The following SLC12A4 variants were observed in gnomAD, a reference collection of about 807,000 sequenced individuals.
The protein encoded by SLC12A4 is electroneutral potassium-chloride cotransporter 1.
In SLC12A4, 84 loss-of-function variants were observed where a neutral mutation model predicts 119.2. The observed-to-expected ratio is 0.70, with a 90% CI of 0.59 to 0.85. The LOEUF (loss-of-function observed/expected upper bound fraction) is 0.85. Ranked by LOEUF, SLC12A4 falls within the 40% of genes least tolerant of loss-of-function variation. SLC12A4 has a pLI of 0.00. For synonymous variants in SLC12A4, 599 were observed against 604.6 expected, an observed-to-expected ratio of 0.99 and a Z score of 0.14; for missense variants, 1,298 against 1,476.3, an observed-to-expected ratio of 0.88 and a Z score of 1.98.
At position 67,946,332 on chromosome 16, in the gene SLC12A4, G is replaced by C. The variant is rs747319073; in HGVS notation, c.2446C>G (p.Arg816Gly). The C allele has an allele frequency of 6.2e-7, 1 of 1,609,638 alleles. No individual in the cohort carries two copies. The highest frequency in any genetic ancestry group is 2.2e-5 in the East Asian group (1 of 44,886). ...GCCAGGTGGGCAGCCGTAGTGCAGC[G>C]CACGGTGTCTGGGGAGGAGGAGCAC... Reference protein sequence around the residue: ...RAWKTFIDTVRCTTAAHLALL... With the variant: ...RAWKTFIDTVGCTTAAHLALL... Residue 816 changes from arginine (R) to glycine (G), a missense_variant, in exon 19 of 24, where the codon CGC becomes GGC. Arg to Gly is a moderately radical substitution (Grantham distance 125). Transcript: ENST00000316341.
chr16:67,960,227 T>G (rs1202651146), intron 3 of SLC12A4, among the ~76,000 whole-genome samples: 1 of 152,200 alleles, frequency 6.6e-6, no homozygotes, highest in African/African-American at 2.4e-5. Context: ...GCTCCCTGGC[T>G]TGGCCTGAAG....
chr16:67,952,566 G>A (rs1469411620), intron 6 of SLC12A4, 141 bp from the exon 7 acceptor site: 4 of 835,794 alleles, frequency 4.8e-6, no homozygotes, highest in Non-Finnish European at 5.8e-6. Flanking sequence ...TTGGGAGGCT[G>A]AGGTGGGGGA....
chr16:67,967,517 A>T (rs1447542153), intron 1 of SLC12A4, among the ~76,000 whole-genome samples: 2 of 152,182 alleles, frequency 1.3e-5, no homozygotes, highest in African/African-American at 4.8e-5. Context: ...CACTACGTAC[A>T]CAGACACATG....
chr16:67,958,306 C>G (rs2030387714), intron 3 of SLC12A4, among the ~76,000 whole-genome samples: 2 of 152,184 alleles, frequency 1.3e-5, no homozygotes. Flanking sequence ...TCCTTCCCTT[C>G]CTCTCTTCTG....
chr16:67,963,438 T>C (rs753753091), intron 2 of SLC12A4, 27 bp downstream of exon 2: 19 of 1,527,158 alleles, frequency 1.2e-5, no homozygotes, highest in Non-Finnish European at 1.6e-5. Context: ...GTGCCAAACC[T>C]GTGGCCCAAA....
chr16:67,947,957 C>T, intron 14 of SLC12A4, 104 bp downstream of exon 14: 1 of 1,482,290 alleles, frequency 6.7e-7, no homozygotes, highest in Non-Finnish European at 9.4e-7. Flanking sequence ...TATAATCTCC[C>T]TCCCCACAGT....
rs758459792 is a variant in SLC12A4, at chr16:67,945,005, A to T, written c.3167-74T>A. The T allele has an allele frequency of 1.9e-6, 3 of 1,606,434 alleles. No individual in the cohort carries two copies. The African/African-American group carries it at 4.0e-5, about 22-fold the overall frequency. ...CGGGCCACCTGGGCCATGCCCACCCAGGGGTGCCCAGGAGAGAAGCCGCTG... is the reference window on the plus strand; with the variant it reads ...CGGGCCACCTGGGCCATGCCCACCCTGGGGTGCCCAGGAGAGAAGCCGCTG... On this transcript the variant is annotated intron_variant, in intron 23 of 23. Coordinates refer to ENST00000316341, the MANE Select transcript of SLC12A4 (RefSeq NM_005072.5).
intron 15 of SLC12A4, 54 bp from the exon 16 acceptor site, chr16:67,947,489 C>A (rs2058365294): frequency 6.4e-7 from 1 of 1,569,256 alleles, no homozygotes; most frequent in Non-Finnish European, 8.7e-7. Flanking sequence ...GGGGTTCTGT[C>A]TATGTGGATG....
intron 21 of SLC12A4, 86 bp downstream of exon 21, chr16:67,945,678 A>T (rs2058335807): frequency 1.3e-6 from 2 of 1,499,372 alleles, no homozygotes; most frequent in East Asian, 4.6e-5. Context: ...GCGGTGAGTC[A>T]TTCTGATTCC....
In SLC12A4 at chr16:67,950,821, G is replaced by A. The variant is rs918606899; in HGVS notation, c.1397-110C>T. On this transcript the variant is annotated intron_variant, in intron 10 of 23. Coordinates refer to ENST00000316341, the MANE Select transcript of SLC12A4 (RefSeq NM_005072.5). This position sits in a 1 kb window ranked among gnomAD's most constrained non-coding sequence, Gnocchi z 4.3. ...CAGGACACCTACAGCTGGGAGTCTC[G>A]TGGTGTGTATGTGCATGTGTGCATG... The A allele has an allele frequency of 1.2e-5, 17 of 1,466,980 alleles. No individual in the cohort carries two copies. The highest frequency in any genetic ancestry group is 1.9e-5 in the Admixed American group (1 of 51,808). The allele number at this position is 1,466,980 out of a possible 1,614,324, so 90.9% of individuals were successfully genotyped here. A position where few individuals can be genotyped will look rare whatever the true frequency, so the allele number is the denominator to read the frequency against.
In SLC12A4 at chr16:67,968,463, G is replaced by A; in HGVS notation, c.91C>T (p.Arg31Cys). The A allele has an allele frequency of 1.3e-6, 2 of 1,579,510 alleles. No homozygotes were observed. The highest frequency in any genetic ancestry group is 2.4e-5 in the East Asian group (1 of 41,676). The part of the protein sequence containing the change: ...EGLSWVDYGE[R>C]AELDDSDGHG... ...CCGTCCGAGTCATCCAGCTCGGCGC[G>A]CTCCCCGTAGTCCACCCAACTGAGC... The change falls in exon 1 of 24, where the codon CGC (arginine) becomes TGC (cysteine). Residue 31 changes from arginine (R) to cysteine (C), a missense_variant. By Grantham distance (180) the Arg-to-Cys change is radical (BLOSUM62 -3). Coordinates refer to ENST00000316341, the MANE Select transcript of SLC12A4 (RefSeq NM_005072.5).
Position 67,951,582 on chromosome 16 carries a change from G to A in SLC12A4, c.1132+241C>T. On this transcript the variant is annotated intron_variant, in intron 8 of 23. Transcript: ENST00000316341. The surrounding 1 kb of genome is among the most constrained non-coding windows in gnomAD (Gnocchi z 5.2). Reference sequence around the variant, plus strand: ...TATGGATCCTGTGGGAACATCCCCAGGCAGTGTCAGGGGCTGGTGGCTGGG... The same window carrying A: ...TATGGATCCTGTGGGAACATCCCCAAGCAGTGTCAGGGGCTGGTGGCTGGG... The A allele has an allele frequency of 4.9e-6, 3 of 609,430 alleles. No individual in the cohort carries two copies. The allele number at this position is 609,430 out of a possible 1,614,324, so 37.8% of individuals were successfully genotyped here.
chr16:67,954,918 C>G (rs1053801437), intron 5 of SLC12A4, 145 bp from the exon 6 acceptor site: 14 of 877,250 alleles, frequency 1.6e-5, no homozygotes, highest in Non-Finnish European at 2.4e-5. Flanking sequence ...GAGACCTACC[C>G]AGGGCTGCAC....
chr16:67,951,133 G>C lies in SLC12A4; in HGVS notation c.1297+7C>G. 2 of 1,613,844 alleles carry C rather than the reference G, an allele frequency of 1.2e-6. No homozygotes were observed. The highest frequency in any genetic ancestry group is 1.7e-6 in the Non-Finnish European group (2 of 1,179,832). ...CAGGGCTGGGTGGGTAGGCAGGCAG[G>C]GCTCACCTGTTACAGAAGGGAAGAA... On this transcript the variant is annotated splice_region_variant and intron_variant, in intron 9 of 23. Coordinates refer to ENST00000316341, the MANE Select transcript of SLC12A4 (RefSeq NM_005072.5). The surrounding 1 kb of genome is among the most constrained non-coding windows in gnomAD (Gnocchi z 5.2).
In SLC12A4 at chr16:67,968,555, G is replaced by T; in HGVS notation, c.-2C>A. The T allele has an allele frequency of 6.5e-7, 1 of 1,543,164 alleles. No homozygotes were observed. Among genetic ancestry groups the T allele is most frequent in the South Asian group, 1.2e-5 (1 of 84,918 alleles). On this transcript the variant is annotated 5_prime_UTR_variant, in exon 1 of 24. Coordinates refer to ENST00000316341, the MANE Select transcript of SLC12A4 (RefSeq NM_005072.5). ...TGGCACCACGGTGAAGTGAGGCATC[G>T]TGCGGGCTCGGCCCCGCCGCACCCG...
chr16:67,956,887 T>C (rs999613373), intron 5 of SLC12A4, among the ~76,000 whole-genome samples: 4 of 151,920 alleles, frequency 2.6e-5, no homozygotes, highest in African/African-American at 9.7e-5. Flanking sequence ...TGTGCAATAC[T>C]TCATAAGACC....
chr16:67,952,904 T>C (rs1167262334), intron 6 of SLC12A4, among the ~76,000 whole-genome samples: 1 of 151,202 alleles, frequency 6.6e-6, no homozygotes, highest in East Asian at 1.9e-4. Context: ...CTGGCCAACA[T>C]GGTGAAACCT....
rs777984930 is a variant in SLC12A4, at chr16:67,945,093, C to T, written c.3160G>A (p.Glu1054Lys). The T allele has an allele frequency of 2.5e-6, 4 of 1,581,054 alleles. No homozygotes were observed. The highest frequency in any genetic ancestry group is 1.3e-5 in the African/African-American group (1 of 74,092). ...PGPPRNSEGD[E>K]NYMEFLEVLT... ...CCTCTCCACAAAGGGATACAGTTCTCGTCGCCCTCACTGTTCCTGGGTGGG... is the reference window on the plus strand; with the variant it reads ...CCTCTCCACAAAGGGATACAGTTCTTGTCGCCCTCACTGTTCCTGGGTGGG... The change falls in exon 23 of 24, where the codon GAG becomes AAG. Residue 1054 changes from glutamate (E) to lysine (K), a missense_variant. Coordinates refer to ENST00000316341, the MANE Select transcript of SLC12A4 (RefSeq NM_005072.5).
chr16:67,968,320 G>A lies in SLC12A4; in HGVS notation c.115+119C>T, dbSNP rs953329889. The A allele has an allele frequency of 1.2e-5, 11 of 882,762 alleles. No individual in the cohort carries two copies. The African/African-American group carries it at 1.8e-4, about 14-fold the overall frequency. The allele number at this position is 882,762 out of a possible 1,614,324, so 54.7% of individuals were successfully genotyped here. ...GCAGCGGCGCGGTCCAAAAAAAGTT[G>A]AGTCCGCACCGACGTGTGCGCGCAA... On this transcript the variant is annotated intron_variant, in intron 1 of 23. Coordinates refer to ENST00000316341, the MANE Select transcript of SLC12A4 (RefSeq NM_005072.5).
Sources: allele counts gnomAD v4.1 joint callset (sites outside exome capture counted in the v4.1 genomes callset), GRCh38; gene constraint gnomAD v4.1.1; non-coding constraint Gnocchi (gnomAD v3.1); transcripts MANE v1.5; gene names NCBI Gene and HGNC (gene_info 2026-07-23, HGNC 2026-07-21).